The following USH1C variants were observed in gnomAD, a reference collection of about 807,000 sequenced individuals.
USH1C encodes harmonin.
USH1C carries 90 observed loss-of-function variants against 119.3 expected under a neutral mutation model. The ratio of observed to expected loss-of-function variants is 0.75; its 90% CI spans 0.64 to 0.90. The LOEUF is 0.90. Ranked by LOEUF, USH1C falls within the 40% of genes least tolerant of loss-of-function variation. The pLI is 0.00. For missense variants in USH1C, 1,165 were observed against 1,167.7 expected (o/e 1.00, Z 0.03); for synonymous variants, 465 against 443.3 (o/e 1.05, Z -0.62).
chr11:17,515,937 C>T (rs1850124583), intron 15 of USH1C, among the ~76,000 whole-genome samples: 1 of 152,238 alleles, frequency 6.6e-6, no homozygotes, highest in South Asian at 2.1e-4. Flanking sequence ...TTCTACTTGA[C>T]AGAGAAACAC....
Position 17,501,106 on chromosome 11 carries a change from G to A in USH1C, c.2325C>T (p.Pro775=), listed in dbSNP as rs1440169773. 7 of 1,613,826 alleles carry A rather than the reference G, an allele frequency of 4.3e-6. No homozygotes were observed. The highest frequency in any genetic ancestry group is 2.7e-5 in the African/African-American group (2 of 74,900). Reference sequence around the variant, plus strand: ...CAGCAGAAACGACCACCTTCCCAATGGGGGAGTCCACACCGCCTTCCAGGG... The same window carrying A: ...CAGCAGAAACGACCACCTTCCCAATAGGGGAGTCCACACCGCCTTCCAGGG... ...DLALEGGVDS[P]IGKVVVSAVY... is the part of the protein sequence containing the mutation. Residue 775 remains proline (P), a synonymous_variant, in exon 23 of 27, where the codon CCC becomes CCT. Transcript: ENST00000005226.
intron 1 of USH1C, 95 bp from the exon 2 acceptor site, chr11:17,533,417 A>T (rs767834955): frequency 1.7e-5 from 15 of 890,978 alleles, no homozygotes; most frequent in Non-Finnish European, 2.7e-5. Context: ...GGGCCTCCCC[A>T]GCAGCTTTTC....
intron 1 of USH1C, among the ~76,000 whole-genome samples, chr11:17,540,907 T>C (rs1851438366): frequency 6.6e-6 from 1 of 152,024 alleles, no homozygotes; most frequent in African/African-American, 2.4e-5. Flanking sequence ...TACAAGAAAA[T>C]CCTGACCTGA....
intron 20 of USH1C, 146 bp downstream of exon 20, chr11:17,504,498 ATGG>A (rs1849566422): frequency 1.2e-6 from 1 of 848,286 alleles, no homozygotes; most frequent in Admixed American, 1.9e-5. Flanking sequence ...TGCGCAGGCA[ATGG>A]AGGACACAGC....
In USH1C at chr11:17,524,726, A is replaced by C. The variant is rs79928978; in HGVS notation, c.675-191T>G. Among the ~76,000 whole-genome samples the C allele has an allele frequency of 0.024, 3,691 of 151,896 alleles. 156 individuals are homozygous for C. Among genetic ancestry groups the C allele is most frequent in the African/African-American group, 0.084 (3,461 of 41,396 alleles). On this transcript the variant is annotated intron_variant, in intron 8 of 26. Coordinates refer to ENST00000005226, the MANE Select transcript of USH1C (RefSeq NM_153676.4). ...CAGAAAAATCCTTGTAATTCTTCCT[A>C]CCCAACCTCTCACCTAATATACCTC...
intron 14 of USH1C, among the ~76,000 whole-genome samples, chr11:17,519,464 A>G (rs549356416): frequency 6.6e-6 from 1 of 152,256 alleles, no homozygotes; most frequent in East Asian, 1.9e-4. Context: ...AAGGGTTTTT[A>G]TTTTCTATTG....
At chr11:17,512,428 A>T (rs1201784024) in intron 15 of USH1C, among the ~76,000 whole-genome samples, 2 of 152,206 alleles carry the variant, frequency 1.3e-5, no homozygotes, top group African/African-American at 2.4e-5. Flanking sequence ...GAACTTTGTA[A>T]AAGTTCTGTA....
rs1460150108 is a variant in USH1C, at chr11:17,517,441, G to A, written c.1211-1151C>T. 1.0e-5 allele frequency: 16 copies of A among 1,595,994 alleles called. No homozygotes were observed. The highest frequency in any genetic ancestry group is 1.3e-5 in the Non-Finnish European group (15 of 1,170,622). ...CTCCGTGCCTCCATCCAGGTCATCT[G>A]CGGGCTCGAGCTCAGGTTCCACTCC... On this transcript the variant is annotated intron_variant, in intron 14 of 26. Transcript: ENST00000005226.
At chr11:17,518,760 C>A (rs947819029) in intron 14 of USH1C, among the ~76,000 whole-genome samples, 1 of 152,184 alleles carries the variant, frequency 6.6e-6, no homozygotes, top group African/African-American at 2.4e-5. Context: ...TGGCTCATGC[C>A]TGTAATCCCA....
chr11:17,544,375 G>A lies in USH1C; in HGVS notation c.-68C>T. 1.2e-6 allele frequency: 2 copies of A among 1,610,394 alleles called. No individual in the cohort carries two copies. Among genetic ancestry groups the A allele is most frequent in the Non-Finnish European group, 1.7e-6 (2 of 1,178,104 alleles). On this transcript the variant is annotated 5_prime_UTR_variant, in exon 1 of 27. Coordinates refer to ENST00000005226, the MANE Select transcript of USH1C (RefSeq NM_153676.4). ...TCGGGTGCCCGGCTGCCAGGAGCTG[G>A]AAAGAGCCGCGACCGCGACCGGGCC...
intron 2 of USH1C, among the ~76,000 whole-genome samples, chr11:17,532,456 C>T (rs1413187428): frequency 3.9e-5 from 6 of 152,056 alleles, no homozygotes; most frequent in African/African-American, 1.4e-4. Context: ...CGCCACCATA[C>T]CCGGCTAATT....
intron 14 of USH1C, among the ~76,000 whole-genome samples, chr11:17,518,332 G>A (rs548862084): frequency 3.3e-5 from 5 of 152,328 alleles, no homozygotes; most frequent in African/African-American, 1.2e-4. Flanking sequence ...AAATCGTGGG[G>A]TCTCTTGTGG....
In USH1C at chr11:17,513,470, G is replaced by C. The variant is rs371382392; in HGVS notation, c.1261-1416C>G. Among the ~76,000 whole-genome samples the C allele has an allele frequency of 2.0e-3, 304 of 152,240 alleles. 2 individuals carry two copies. Among genetic ancestry groups the C allele is most frequent in the African/African-American group, 7.1e-3 (295 of 41,544 alleles). The stretch of plus-strand genomic sequence containing the variant: ...CATTCATCCACAGCTGGAGGGACTT[G>C]GTGGGCCATTATGGACCTCTGAGGG... On this transcript the variant is annotated intron_variant, in intron 15 of 26. Transcript: ENST00000005226.
chr11:17,543,419 C>A (rs965643788), intron 1 of USH1C, among the ~76,000 whole-genome samples: 5 of 152,136 alleles, frequency 3.3e-5, no homozygotes, highest in Admixed American at 1.3e-4. Context: ...ACCACCCACC[C>A]CCCCCAAGCG....
rs1229799431 is a variant in USH1C, at chr11:17,504,563, C to T, written c.2184+84G>A. ...GGGCCACCATGGACCTGACCAGGTA[C>T]TCCCAGAGAGAAAGAAGTGGCACAG... is the stretch of plus-strand genomic sequence containing the variant. On this transcript the variant is annotated intron_variant, in intron 20 of 26. Coordinates refer to ENST00000005226, the MANE Select transcript of USH1C (RefSeq NM_153676.4). 14 of 1,484,106 alleles carry T rather than the reference C, an allele frequency of 9.4e-6. No individual in the cohort carries two copies. The East Asian group carries it at 2.9e-4, about 31-fold the overall frequency. 91.9% of individuals were successfully genotyped at this position (1,484,106 alleles called of 1,614,324 possible). A position where few individuals can be genotyped will look rare whatever the true frequency, so the allele number is the denominator to read the frequency against.
intron 6 of USH1C, 46 bp from the exon 7 acceptor site, chr11:17,526,856 T>C: frequency 1.3e-6 from 2 of 1,524,360 alleles, no homozygotes; most frequent in Non-Finnish European, 1.8e-6. Context: ...GCGAGAGACG[T>C]TTGAGGAACC....
intron 1 of USH1C, among the ~76,000 whole-genome samples, chr11:17,541,245 A>C (rs1851454437): frequency 1.3e-5 from 2 of 152,062 alleles, no homozygotes; most frequent in South Asian, 4.2e-4. Flanking sequence ...GCATTGTATG[A>C]TACTTTTGTT....
In USH1C at chr11:17,509,651, G is replaced by T. The variant is rs1219271650; in HGVS notation, c.1718C>A (p.Pro573His). The change falls in exon 18 of 27, where the codon CCC (proline) becomes CAC (histidine). Residue 573 changes from proline (P) to histidine (H), a missense_variant. By Grantham distance (77) the Pro-to-His change is moderately conservative (BLOSUM62 -2). Coordinates refer to ENST00000005226, the MANE Select transcript of USH1C (RefSeq NM_153676.4). ...GACAGGGGGCGCCGGGACCTTGTGG[G>T]GTGGGTTGGAGGGTGGAGGGTGGGG... Reference protein sequence around the residue: ...VMPHPPPSNPPHKVPAPPVLP... With the variant: ...VMPHPPPSNPHHKVPAPPVLP... 67 of 1,594,168 alleles carry T rather than the reference G, an allele frequency of 4.2e-5. No individual in the cohort carries two copies. Among genetic ancestry groups the T allele is most frequent in the Non-Finnish European group, 5.7e-5 (67 of 1,175,742 alleles).
chr11:17,544,301 G>T lies in USH1C; in HGVS notation c.7C>A (p.Arg3=), dbSNP rs876657624. 1.2e-6 allele frequency: 2 copies of T among 1,614,048 alleles called. No homozygotes were observed. Among genetic ancestry groups the T allele is most frequent in the South Asian group, 2.2e-5 (2 of 91,090 alleles). The part of the protein sequence containing the change: MD[R]KVAREFRHKV... ...TGCCGGAATTCTCGGGCCACTTTTC[G>T]GTCCATGGCTGGGCCAGGTCCAGCT... Residue 3 remains arginine, a synonymous_variant, in exon 1 of 27, where the codon CGA becomes AGA. Coordinates refer to ENST00000005226, the MANE Select transcript of USH1C (RefSeq NM_153676.4).
Sources: allele counts gnomAD v4.1 joint callset (sites outside exome capture counted in the v4.1 genomes callset), GRCh38; gene constraint gnomAD v4.1.1; transcripts MANE v1.5; gene names NCBI Gene and HGNC (gene_info 2026-07-23, HGNC 2026-07-21).